PDIA5: variants seen among roughly 807,000 people sequenced by gnomAD.
PDIA5 encodes protein disulfide isomerase family A member 5.
In PDIA5, 58 loss-of-function variants were observed where a neutral mutation model predicts 77.6. That is an observed-to-expected ratio of 0.75 (90% confidence interval 0.61 to 0.93). The LOEUF is 0.93. Among genes scored for constraint, PDIA5 ranks in the 40% least tolerant of loss-of-function variants. The pLI, the probability that PDIA5 is intolerant of heterozygous loss-of-function variation, is 0.00. For synonymous variants in PDIA5, 250 were observed against 252.1 expected (o/e 0.99, Z 0.08); for missense variants, 630 against 647.7 (o/e 0.97, Z 0.30).
chr3:123,096,344 G>A (rs1465420643), intron 3 of PDIA5, among the ~76,000 whole-genome samples: 3 of 140,994 alleles, frequency 2.1e-5, no homozygotes, highest in Non-Finnish European at 4.6e-5. Flanking sequence ...GTACCACCAC[G>A]CTCAGCTAAG....
intron 8 of PDIA5, among the ~76,000 whole-genome samples, chr3:123,121,748 C>T (rs555465510): frequency 1.3e-4 from 20 of 152,308 alleles, no homozygotes; most frequent in Middle Eastern, 6.8e-3. Context: ...AATAGAGCAC[C>T]TCCTAGTCCT....
In PDIA5 at chr3:123,076,686, G is replaced by A. The variant is rs148931938; in HGVS notation, c.42+9480G>A. On this transcript the variant is annotated intron_variant, in intron 1 of 16. Transcript: ENST00000316218. ...TATCAGTTAACGGAGCTTGGAGGCA[G>A]AGTTGATTTCCGGAGTGGGAATTCA... Among the ~76,000 whole-genome samples the A allele has an allele frequency of 2.6e-5, 4 of 152,176 alleles. No individual in the cohort carries two copies. The South Asian group carries it at 8.3e-4, about 32-fold the overall frequency.
intron 3 of PDIA5, among the ~76,000 whole-genome samples, chr3:123,096,528 T>C (rs1379752833): frequency 6.6e-6 from 1 of 152,140 alleles, no homozygotes; most frequent in Non-Finnish European, 1.5e-5. Flanking sequence ...CTCCTTTCTA[T>C]ATGGATATAT....
At chr3:123,128,715 C>A (rs907269460) in intron 10 of PDIA5, among the ~76,000 whole-genome samples, 14 of 152,090 alleles carry the variant, frequency 9.2e-5, no homozygotes, top group Non-Finnish European at 1.6e-4. Flanking sequence ...GAGTCTCACT[C>A]TGTTGCCCAG....
At chr3:123,121,337 G>A (rs541723062) in intron 8 of PDIA5, among the ~76,000 whole-genome samples, 1 of 152,208 alleles carries the variant, frequency 6.6e-6, no homozygotes, top group South Asian at 2.1e-4. Context: ...TGTCACGCCA[G>A]CTGAGTGGCC....
intron 11 of PDIA5, among the ~76,000 whole-genome samples, chr3:123,143,317 G>A (rs1290186891): frequency 3.3e-5 from 5 of 151,610 alleles, no homozygotes; most frequent in Admixed American, 6.6e-5. Flanking sequence ...CCCAGGAGGC[G>A]GAGGTTGCAG....
intron 1 of PDIA5, among the ~76,000 whole-genome samples, chr3:123,075,277 G>C (rs58024981): frequency 0.017 from 2,662 of 152,302 alleles, 79 homozygotes; most frequent in African/African-American, 0.06. Context: ...AGAGAGGTCT[G>C]ATCTGGAGAT....
chr3:123,150,290 T>A lies in PDIA5; in HGVS notation c.1199T>A (p.Leu400Ter). The change falls in exon 14 of 17, where the codon TTG becomes TAG. Residue 400 changes from leucine to a stop codon, truncating the protein, a stop_gained. Transcript: ENST00000316218. LOFTEE classifies it high-confidence loss of function. ...PTWEEQQTSVLHLVGDNFRET... is the reference protein window; with the variant it reads ...PTWEEQQTSV ...TGGGAAGAGCAGCAGACAAGCGTGTTGCACCTGGTGGGGGACAACTTCCGG... is the reference window on the plus strand; with the variant it reads ...TGGGAAGAGCAGCAGACAAGCGTGTAGCACCTGGTGGGGGACAACTTCCGG... 1.2e-6 allele frequency: 2 copies of A among 1,613,792 alleles called. No individual in the cohort carries two copies. The highest frequency in any genetic ancestry group is 1.7e-6 in the Non-Finnish European group (2 of 1,179,880).
At chr3:123,124,886 C>A (rs1334393501) in intron 10 of PDIA5, among the ~76,000 whole-genome samples, 1 of 152,150 alleles carries the variant, frequency 6.6e-6, no homozygotes, top group Admixed American at 6.5e-5. Flanking sequence ...TATTCTAATG[C>A]CTTAGGTTTG....
In PDIA5 at chr3:123,089,273, C is replaced by T. The variant is rs759756623; in HGVS notation, c.148C>T (p.Leu50=). Reference sequence around the variant, plus strand: ...ACTGCTCAGAACCCGGAATAATGTACTGGTGCTTTACTCCAAATCTGGTGA... The same window carrying T: ...ACTGCTCAGAACCCGGAATAATGTATTGGTGCTTTACTCCAAATCTGGTGA... ...KKLLRTRNNV[L]VLYSKSEVAA... Residue 50 remains leucine (L), a synonymous_variant, in exon 2 of 17, where the codon CTG becomes TTG. Transcript: ENST00000316218. The T allele has an allele frequency of 4.3e-5, 69 of 1,613,962 alleles. No homozygotes were observed. In the Admixed American group the frequency reaches 1.1e-3, roughly 27 times the overall value.
chr3:123,140,409 A>G (rs1935599630), intron 11 of PDIA5, among the ~76,000 whole-genome samples: 1 of 152,230 alleles, frequency 6.6e-6, no homozygotes, highest in African/African-American at 2.4e-5. Context: ...CTTAAATATC[A>G]GAAGACAGCA....
chr3:123,074,525 A>G (rs1186640443), intron 1 of PDIA5, among the ~76,000 whole-genome samples: 1 of 152,190 alleles, frequency 6.6e-6, no homozygotes, highest in Non-Finnish European at 1.5e-5. Flanking sequence ...TGATAAAATA[A>G]TATTTATGTT....
At chr3:123,105,788 C>T (rs1271605569) in intron 5 of PDIA5, among the ~76,000 whole-genome samples, 1 of 152,280 alleles carries the variant, frequency 6.6e-6, no homozygotes, top group South Asian at 2.1e-4. Flanking sequence ...AGCATCTGCT[C>T]GCTGGAGCGT....
chr3:123,072,705 A>T (rs1366279308), intron 1 of PDIA5, among the ~76,000 whole-genome samples: 1 of 152,122 alleles, frequency 6.6e-6, no homozygotes, highest in Non-Finnish European at 1.5e-5. Context: ...GAGAATGAAG[A>T]CACCAAACAC....
intron 11 of PDIA5, among the ~76,000 whole-genome samples, chr3:123,133,388 G>A (rs1935416189): frequency 6.6e-6 from 1 of 152,240 alleles, no homozygotes; most frequent in African/African-American, 2.4e-5. Flanking sequence ...GAGACTCACA[G>A]AAACAAATTG....
chr3:123,146,382 C>T (rs1420480619), intron 13 of PDIA5, 123 bp downstream of exon 13: 16 of 790,046 alleles, frequency 2.0e-5, no homozygotes, highest in South Asian at 1.1e-4. Flanking sequence ...GGAGTCAAGA[C>T]GGATCTGACT....
intron 8 of PDIA5, among the ~76,000 whole-genome samples, chr3:123,117,157 A>C (rs836843): frequency 2.1e-4 from 32 of 151,226 alleles, no homozygotes; most frequent in Non-Finnish European, 4.0e-4. Flanking sequence ...TATTTTTTCA[A>C]TGTGGTAAAA....
intron 1 of PDIA5, among the ~76,000 whole-genome samples, chr3:123,075,781 A>T (rs988475116): frequency 6.6e-6 from 1 of 152,132 alleles, no homozygotes; most frequent in Non-Finnish European, 1.5e-5. Context: ...GCCCCTGGAG[A>T]TGTTTTTCTT....
chr3:123,139,122 A>G (rs1935567026), intron 11 of PDIA5, among the ~76,000 whole-genome samples: 1 of 152,226 alleles, frequency 6.6e-6, no homozygotes. Flanking sequence ...AAGTGCACTT[A>G]CACAGATGAT....
Sources: gnomAD v4.1 joint callset for allele counts (sites outside exome capture counted in the v4.1 genomes callset) on GRCh38, gnomAD v4.1.1 for gene constraint, MANE v1.5 for transcripts, NCBI Gene and HGNC (gene_info 2026-07-23, HGNC 2026-07-21) for gene names.